Variants in INTS6L observed in about 807,000 individuals in gnomAD.
The protein encoded by INTS6L is integrator complex subunit 6 like, also known as integrator complex subunit 6-like.
Under a neutral mutation model 64.7 loss-of-function variants are expected in INTS6L, and 18 were observed. That is an observed-to-expected ratio of 0.28 (90% confidence interval 0.19 to 0.41). INTS6L has a LOEUF of 0.41. INTS6L is among the 10% of genes least tolerant of loss of function. INTS6L has a pLI of 1.00. For missense variants in INTS6L, 533 were observed against 661.0 expected, an observed-to-expected ratio of 0.81 and a Z score of 2.12; for synonymous variants, 227 against 235.9, an observed-to-expected ratio of 0.96 and a Z score of 0.34.
intron 13 of INTS6L, 110 bp from the exon 14 acceptor site, chrX:135,574,974 A>G: frequency 2.6e-6 from 2 of 780,050 alleles, no homozygotes; most frequent in Non-Finnish European, 3.7e-6. Flanking sequence ...GACTTTAAAT[A>G]CTATTTGATG....
chrX:135,527,450 G>A (rs1415162839), intron 2 of INTS6L, among the ~76,000 whole-genome samples: 1 of 112,054 alleles, frequency 8.9e-6, no homozygotes, highest in Non-Finnish European at 1.9e-5. Context: ...ACTGGAAAAA[G>A]CTGACTAGAG....
At chrX:135,548,563 C>T (rs1341147017) in intron 6 of INTS6L, among the ~76,000 whole-genome samples, 3 of 111,283 alleles carry the variant, frequency 2.7e-5, no homozygotes, top group Non-Finnish European at 5.7e-5. Flanking sequence ...TTTTTTCTAG[C>T]TCCAGTTCTC....
intron 9 of INTS6L, among the ~76,000 whole-genome samples, chrX:135,558,357 C>T (rs1395023682): frequency 9.0e-6 from 1 of 111,577 alleles, no homozygotes; most frequent in African/African-American, 3.3e-5. Flanking sequence ...CACCCATGTT[C>T]ACTGCAGCAT....
intron 9 of INTS6L, among the ~76,000 whole-genome samples, chrX:135,558,042 T>C (rs1313976364): frequency 3.6e-5 from 4 of 112,247 alleles, no homozygotes; most frequent in African/African-American, 1.3e-4. Context: ...TTAACAAGCA[T>C]ATCAAGAGAT....
chrX:135,581,463 A>G, intron 17 of INTS6L, 65 bp from the exon 18 acceptor site: 1 of 810,739 alleles, frequency 1.2e-6, no homozygotes, highest in Non-Finnish European at 1.8e-6. Context: ...TATCCCACAC[A>G]GTGCCTTGAA....
chrX:135,542,437 G>A (rs2086248590), intron 2 of INTS6L, among the ~76,000 whole-genome samples: 1 of 109,948 alleles, frequency 9.1e-6, no homozygotes, highest in South Asian at 4.0e-4. Flanking sequence ...GGTGGAGGTT[G>A]CAGTGAGCCG....
At chrX:135,568,537 ATTATTTTATT>A (rs1258479491) in intron 9 of INTS6L, among the ~76,000 whole-genome samples, 2 of 110,371 alleles carry the variant, frequency 1.8e-5, no homozygotes, top group African/African-American at 3.3e-5. Flanking sequence ...TTTTTATTTT[ATTATTTTATT>A]TTATTTTATT....
chrX:135,537,424 G>T (rs2086085841), intron 2 of INTS6L, among the ~76,000 whole-genome samples: 1 of 112,288 alleles, frequency 8.9e-6, no homozygotes, highest in South Asian at 3.7e-4. Context: ...AGAATTATAA[G>T]ATACATAAGT....
At chrX:135,570,109 A>G (rs1569513632) in intron 10 of INTS6L, 1 of 148,317 alleles carries the variant, frequency 6.7e-6, no homozygotes, top group Non-Finnish European at 1.3e-5. Context: ...GGGGTGTGTT[A>G]CTGTTTACCA....
rs782755176 is a variant in INTS6L at position 135,580,088 on chromosome X, C to G, written c.2420C>G (p.Thr807Ser). The G allele has an allele frequency of 1.0e-5, 12 of 1,203,331 alleles. No homozygotes were observed. The highest frequency in any genetic ancestry group is 1.3e-5 in the Non-Finnish European group (12 of 891,461). The stretch of plus-strand genomic sequence containing the variant: ...GCTATGCCAAATACATTACAAATCA[C>G]TCCTGCTATGGCACAAGGAATCAAT... ...LGAMPNTLQI[T>S]PAMAQGINAD... Residue 807 changes from threonine to serine, a missense_variant, in exon 16 of 18, where the codon ACT becomes AGT. By Grantham distance (58) the Thr-to-Ser change is moderately conservative. Coordinates refer to ENST00000639893, the MANE Select transcript of INTS6L (RefSeq NM_001351601.3).
intron 6 of INTS6L, 132 bp downstream of exon 6, chrX:135,547,397 A>G: frequency 2.8e-6 from 2 of 722,035 alleles, no homozygotes; most frequent in Non-Finnish European, 4.0e-6. Context: ...CCAAACAACT[A>G]CCACACATTC....
At chrX:135,573,745 T>G (rs1343716129) in intron 12 of INTS6L, among the ~76,000 whole-genome samples, 194 bp from the exon 13 acceptor site, 1 of 112,564 alleles carries the variant, frequency 8.9e-6, no homozygotes, top group Non-Finnish European at 1.9e-5. Context: ...ATAGTCCCAG[T>G]GGCTTTAATA....
intron 2 of INTS6L, among the ~76,000 whole-genome samples, chrX:135,540,000 T>C (rs1245567495): frequency 8.9e-6 from 1 of 111,901 alleles, no homozygotes; most frequent in East Asian, 2.8e-4. Flanking sequence ...ATTGCAAAAA[T>C]TACCAAAATG....
chrX:135,575,808 G>A (rs868974704), intron 14 of INTS6L, among the ~76,000 whole-genome samples: 3 of 106,973 alleles, frequency 2.8e-5, no homozygotes, highest in African/African-American at 1.1e-4. Context: ...GTGTGTGTGT[G>A]TATGTGTGTG....
At chrX:135,559,264 G>A (rs1158061218) in intron 9 of INTS6L, among the ~76,000 whole-genome samples, 3 of 111,650 alleles carry the variant, frequency 2.7e-5, no homozygotes, top group African/African-American at 9.8e-5. Context: ...TCCCTTATGA[G>A]GCCCTATTAC....
intron 13 of INTS6L, among the ~76,000 whole-genome samples, 169 bp downstream of exon 13, chrX:135,574,231 A>T (rs782156546): frequency 1.8e-5 from 2 of 109,610 alleles, no homozygotes; most frequent in Non-Finnish European, 3.8e-5. Flanking sequence ...TTTTTTTTTC[A>T]AGTTTAAGGT....
At chrX:135,575,895 T>C (rs1315746699) in intron 14 of INTS6L, among the ~76,000 whole-genome samples, 2 of 110,902 alleles carry the variant, frequency 1.8e-5, no homozygotes, top group Non-Finnish European at 3.8e-5. Flanking sequence ...AGGAGACCAT[T>C]GGTGTTAATT....
chrX:135,567,223 A>G (rs2086974314), intron 9 of INTS6L, among the ~76,000 whole-genome samples: 1 of 112,006 alleles, frequency 8.9e-6, no homozygotes, highest in Admixed American at 9.5e-5. Context: ...AATGGGGAGA[A>G]AGGAACTGGA....
At position 135,541,900 on chromosome X, in the gene INTS6L, C is replaced by A. The variant is rs150193396; in HGVS notation, c.190-3523C>A. On this transcript the variant is annotated intron_variant, in intron 2 of 17. Transcript: ENST00000639893. ...GAGAGTGTAAATGTATACTCACTAT[C>A]TCTTTATAATTATCTTTTTGGTAGA... Among the ~76,000 whole-genome samples, 620 of 112,255 alleles carry A rather than the reference C, an allele frequency of 5.5e-3. 3 individuals are homozygous for A. Among genetic ancestry groups the A allele is most frequent in the African/African-American group, 0.018 (551 of 30,916 alleles).
Sources: allele counts gnomAD v4.1 joint callset (sites outside exome capture counted in the v4.1 genomes callset), GRCh38; gene constraint gnomAD v4.1.1; transcripts MANE v1.5; gene names NCBI Gene and HGNC (gene_info 2026-07-23, HGNC 2026-07-21).